Variants in PRKCG observed in about 807,000 individuals in gnomAD.
PRKCG encodes protein kinase C gamma type.
PRKCG carries 28 observed loss-of-function variants against 82.0 expected under a neutral mutation model. That is an observed-to-expected ratio of 0.34 (90% CI 0.25 to 0.47). The LOEUF (loss-of-function observed/expected upper bound fraction) is 0.47, where lower values mean the gene tolerates loss of function less well. Among genes scored for constraint, PRKCG ranks in the 20% least tolerant of loss-of-function variants. PRKCG has a pLI of 1.00. For synonymous variants in PRKCG, 383 were observed against 376.6 expected, an observed-to-expected ratio of 1.02 and a Z score of -0.20; for missense variants, 640 against 952.7, an observed-to-expected ratio of 0.67 and a Z score of 4.32.
At position 53,883,621 on chromosome 19, in the gene PRKCG, G is replaced by C. The variant is rs1235766335; in HGVS notation, c.202+427G>C. On this transcript the variant is annotated intron_variant, in intron 2 of 17. Transcript: ENST00000263431. This position sits in a 1 kb window ranked among gnomAD's most constrained non-coding sequence, Gnocchi z 5.4. ...CAATGGGCGAGTGGGGGCCGGGCGG[G>C]GCCGGCAGTTCTGGGGGGCGGGAGA... 6.7e-6 allele frequency among the ~76,000 whole-genome samples: 1 copy of C among 149,626 alleles called. No homozygotes were observed. Among genetic ancestry groups the C allele is most frequent in the African/African-American group, 2.5e-5 (1 of 40,672 alleles).
At position 53,906,849 on chromosome 19, in the gene PRKCG, C is replaced by T; in HGVS notation, c.2048C>T (p.Pro683Leu). ...FTYVNPDFVH[P>L]DARSPTSPVP... is the part of the protein sequence containing the mutation. ...TACGTGAACCCCGACTTCGTGCACC[C>T]GGATGCCCGCAGCCCCACCAGCCCA... The change falls in exon 18 of 18, where the codon CCG becomes CTG. Residue 683 changes from proline (P) to leucine (L), a missense_variant. Around this residue, in one of 7 missense-constraint regions of PRKCG, gnomAD observed 198 missense variants for 273.4 expected, o/e 0.72. Transcript: ENST00000263431. The T allele has an allele frequency of 6.2e-7, 1 of 1,613,710 alleles. No homozygotes were observed. Among genetic ancestry groups the T allele is most frequent in the South Asian group, 1.1e-5 (1 of 91,088 alleles).
intron 16 of PRKCG, among the ~76,000 whole-genome samples, chr19:53,905,548 C>G (rs112225679): frequency 0.026 from 3,878 of 151,472 alleles, 159 homozygotes; most frequent in African/African-American, 0.089. Context: ...TCTCCTCTGT[C>G]TCCTCCCTTC....
rs1484531062 is a variant in PRKCG at position 53,900,304 on chromosome 19, G to A, written c.1353G>A (p.Lys451=). The A allele has an allele frequency of 1.9e-6, 3 of 1,614,054 alleles. No individual in the cohort carries two copies. Among genetic ancestry groups the A allele is most frequent in the Non-Finnish European group, 2.5e-6 (3 of 1,180,046 alleles). ...TGTACCACATTCAACAGCTGGGCAA[G>A]TTTAAGGAGCCCCATGCAGCGTGAG... ...DLMYHIQQLG[K]FKEPHAAFYA... Residue 451 remains lysine (K), a synonymous_variant, in exon 12 of 18, where the codon AAG becomes AAA. Transcript: ENST00000263431. The surrounding 1 kb of genome is among the most constrained non-coding windows in gnomAD (Gnocchi z 4.2).
At position 53,883,241 on chromosome 19, in the gene PRKCG, G is replaced by A. The variant is rs748688834; in HGVS notation, c.202+47G>A. 13 of 1,611,718 alleles carry A rather than the reference G, an allele frequency of 8.1e-6. No homozygotes were observed. Among genetic ancestry groups the A allele is most frequent in the East Asian group, 6.7e-5 (3 of 44,834 alleles). The stretch of plus-strand genomic sequence containing the variant: ...TCCTGGGACCCTCAGGAGGGTGGAG[G>A]CTGGGGCCCCACAGCTGAGGCTGCT... On this transcript the variant is annotated intron_variant, in intron 2 of 17. Transcript: ENST00000263431. The surrounding 1 kb of genome is among the most constrained non-coding windows in gnomAD (Gnocchi z 5.4).
At chr19:53,898,799 GGGGCGT>G (rs2068738816) in intron 11 of PRKCG, among the ~76,000 whole-genome samples, 171 bp downstream of exon 11, 2 of 103,364 alleles carry the variant, frequency 1.9e-5, no homozygotes, top group Admixed American at 1.0e-4. Context: ...GGGTCCTTGG[GGGGCGT>G]GGCCAGGCGA....
chr19:53,893,038 C>G lies in PRKCG; in HGVS notation c.872C>G (p.Ala291Gly). The change falls in exon 8 of 18, where the codon GCC becomes GGC. Residue 291 changes from alanine to glycine, a missense_variant. Physicochemically the swap from Ala to Gly is moderately conservative, Grantham distance 60. Around this residue, in one of 7 missense-constraint regions of PRKCG, gnomAD observed 261 missense variants for 312.1 expected, o/e 0.84. Transcript: ENST00000263431. ...GGCGAGTATTACAATGTGCCGGTGG[C>G]CGATGCTGACAACTGCAGCCTCCTC... is the stretch of plus-strand genomic sequence containing the variant. ...EEGEYYNVPV[A>G]DADNCSLLQK... 6.2e-7 allele frequency: 1 copy of G among 1,614,038 alleles called. No homozygotes were observed. The highest frequency in any genetic ancestry group is 8.5e-7 in the Non-Finnish European group (1 of 1,179,994).
At chr19:53,897,289 G>A (rs531849263) in intron 9 of PRKCG, among the ~76,000 whole-genome samples, 2 of 152,152 alleles carry the variant, frequency 1.3e-5, no homozygotes, top group African/African-American at 2.4e-5. Flanking sequence ...AAGGGCAGCC[G>A]TCCATGTAGA....
intron 9 of PRKCG, among the ~76,000 whole-genome samples, chr19:53,894,690 C>A (rs1019429724): frequency 2.0e-5 from 3 of 151,834 alleles, no homozygotes; most frequent in Admixed American, 6.6e-5. Flanking sequence ...GAACTCCTGA[C>A]CTCAAGTGAT....
rs377014105 is a variant in PRKCG, at chr19:53,889,820, G to C, written c.398-66G>C. On this transcript the variant is annotated intron_variant, in intron 4 of 17. Transcript: ENST00000263431. This position sits in a 1 kb window ranked among gnomAD's most constrained non-coding sequence, Gnocchi z 4.4. ...TGGGTTCCGGGAAATGCCCGGGATG[G>C]GGTGGGGGGTGGAGTCTTGGCTTGG... The C allele has an allele frequency of 5.0e-4, 794 of 1,575,734 alleles. 6 individuals carry two copies. In the African/African-American group the frequency reaches 9.6e-3, roughly 19 times the overall value.
chr19:53,885,122 T>C (rs1020289198), intron 3 of PRKCG, among the ~76,000 whole-genome samples: 59 of 152,184 alleles, frequency 3.9e-4, no homozygotes, highest in African/African-American at 1.3e-3. Context: ...CACTGTCCAA[T>C]AGGCAGCCAC....
chr19:53,898,317 C>T (rs2068732416), intron 10 of PRKCG, 123 bp from the exon 11 acceptor site: 1 of 1,389,054 alleles, frequency 7.2e-7, no homozygotes, highest in African/African-American at 1.4e-5. Context: ...TCAGGGCTGT[C>T]AGTCCCTTAA....
At chr19:53,893,104 G>T (rs2068692088) in intron 8 of PRKCG, 29 bp downstream of exon 8, 1 of 1,590,262 alleles carries the variant, frequency 6.3e-7, no homozygotes, top group African/African-American at 1.3e-5. Flanking sequence ...CCTCAAGGGA[G>T]CCCAGCCCAG....
intron 16 of PRKCG, among the ~76,000 whole-genome samples, chr19:53,906,066 C>T (rs1489412866): frequency 8.7e-5 from 5 of 57,246 alleles, no homozygotes; most frequent in African/African-American, 6.8e-4. Context: ...TCCTCCTCCT[C>T]CTCCTCCTCC....
rs762529486 is a variant in PRKCG at position 53,892,752 on chromosome 19, GCACA to G, written c.821+135_821+138del. On this transcript the variant is annotated intron_variant, in intron 7 of 17. Transcript: ENST00000263431. The surrounding 1 kb of genome is among the most constrained non-coding windows in gnomAD (Gnocchi z 5.9). ...TCCTTCCCTCTGCCTCCCAGCATGC[GCACA>G]CACACACACACACACACACACACAC... 420,987 of 1,090,626 alleles carry G rather than the reference GCACA, an allele frequency of 0.39. 56,233 individuals are homozygous for G. Among genetic ancestry groups the G allele is most frequent in the African/African-American group, 0.52 (31,278 of 59,658 alleles). 67.6% of individuals were successfully genotyped at this position (1,090,626 alleles called of 1,614,324 possible).
At position 53,907,095 on chromosome 19, in the gene PRKCG, G is replaced by T; in HGVS notation, c.*200G>T. The T allele has an allele frequency of 7.9e-7, 1 of 1,264,236 alleles. No homozygotes were observed. Among genetic ancestry groups the T allele is most frequent in the Non-Finnish European group, 1.1e-6 (1 of 927,566 alleles). The allele number at this position is 1,264,236 out of a possible 1,614,324, so 78.3% of individuals were successfully genotyped here. On this transcript the variant is annotated 3_prime_UTR_variant, in exon 18 of 18. Transcript: ENST00000263431. ...TCCATACAGCCTCTACAGCCGTCCC[G>T]CGTTCAAGACTTGAGCGGAGCCCGA...
At chr19:53,906,168 C>G in intron 16 of PRKCG, 149 bp from the exon 17 acceptor site, 2 of 878,398 alleles carry the variant, frequency 2.3e-6, no homozygotes, top group Non-Finnish European at 3.5e-6. Flanking sequence ...CTCCATTTGC[C>G]TGTTTCCCCT....
chr19:53,890,220 G>C (rs2068663553), intron 5 of PRKCG, among the ~76,000 whole-genome samples: 1 of 151,954 alleles, frequency 6.6e-6, no homozygotes, highest in South Asian at 2.1e-4. Context: ...CCTCCAACCT[G>C]GCTTCTTGCA....
intron 6 of PRKCG, 44 bp downstream of exon 6, chr19:53,891,874 T>C (rs767236092): frequency 2.5e-6 from 4 of 1,612,840 alleles, no homozygotes; most frequent in South Asian, 1.1e-5. Flanking sequence ...TGACAGAGAA[T>C]GATCTGAGGG....
rs1389878983 is a variant in PRKCG, at chr19:53,892,894, CT to C, written c.822-93del. The C allele has an allele frequency of 8.1e-7, 1 of 1,235,432 alleles. No individual in the cohort carries two copies. The highest frequency in any genetic ancestry group is 1.2e-6 in the Non-Finnish European group (1 of 854,064). The allele number at this position is 1,235,432 out of a possible 1,614,324, so 76.5% of individuals were successfully genotyped here. A position where few individuals can be genotyped will look rare whatever the true frequency, so the allele number is the denominator to read the frequency against. On this transcript the variant is annotated intron_variant, in intron 7 of 17. Transcript: ENST00000263431. This position sits in a 1 kb window ranked among gnomAD's most constrained non-coding sequence, Gnocchi z 5.9. ...TTCTCTCTTCCATCTCTGTGTCCGT[CT>C]CTCTGTGTCTCTTTCCTCCCTTCCA...
Sources: gnomAD v4.1 joint callset for allele counts (sites outside exome capture counted in the v4.1 genomes callset) on GRCh38, gnomAD v4.1.1 for gene constraint, gnomAD v4.1.1 regional missense constraint, Gnocchi (gnomAD v3.1) non-coding constraint, MANE v1.5 for transcripts, NCBI Gene and HGNC (gene_info 2026-07-23, HGNC 2026-07-21) for gene names.